Variants in PTPRB observed in about 807,000 individuals in gnomAD.
PTPRB encodes the protein receptor-type tyrosine-protein phosphatase beta.
In PTPRB, 97 loss-of-function variants were observed where a neutral mutation model predicts 238.1. The ratio of observed to expected loss-of-function variants is 0.41; its 90% CI spans 0.35 to 0.48. The LOEUF (loss-of-function observed/expected upper bound fraction) is 0.48, where lower values mean the gene tolerates loss of function less well. PTPRB is among the 20% of genes least tolerant of loss of function. PTPRB has a pLI of 0.30. For missense variants in PTPRB, 2,292 were observed against 2,681.9 expected, an observed-to-expected ratio of 0.85 and a Z score of 3.21; for synonymous variants, 970 against 995.4, an observed-to-expected ratio of 0.97 and a Z score of 0.48.
At position 70,552,803 on chromosome 12, in the gene PTPRB, T is replaced by C. The variant is rs1339536270; in HGVS notation, c.5361A>G (p.Gly1787=). ...CDPTQQKFCD[G]PLKPHTAYRI... ...TGTAGGCAGTGTGTGGCTTCAGTGG[T>C]CCATCACAGAATTTTTGCTGAGTGG... Residue 1787 remains glycine, a synonymous_variant, in exon 21 of 34, where the codon GGA becomes GGG. Coordinates refer to ENST00000334414, the MANE Select transcript of PTPRB (RefSeq NM_001109754.4). The C allele has an allele frequency of 6.2e-7, 1 of 1,614,010 alleles. No individual in the cohort carries two copies. The highest frequency in any genetic ancestry group is 1.3e-5 in the African/African-American group (1 of 75,060).
At chr12:70,524,947 A>G (rs139193023) in intron 32 of PTPRB, among the ~76,000 whole-genome samples, 1 of 147,184 alleles carries the variant, frequency 6.8e-6, no homozygotes, top group African/African-American at 2.6e-5. Context: ...ATGTATATAT[A>G]TGTGTATATA....
chr12:70,555,099 C>T, intron 20 of PTPRB, 61 bp downstream of exon 20: 17 of 1,546,346 alleles, frequency 1.1e-5, no homozygotes, highest in Non-Finnish European at 1.5e-5. Context: ...AAAGATCTCC[C>T]ACATGACCTC....
intron 4 of PTPRB, among the ~76,000 whole-genome samples, chr12:70,607,598 G>A (rs1040604408): frequency 6.8e-6 from 1 of 146,896 alleles, no homozygotes; most frequent in Non-Finnish European, 1.5e-5. Flanking sequence ...CCAGGCTGGA[G>A]TGCAGTGGCA....
rs184247279 is a variant in PTPRB at position 70,517,003 on chromosome 12, C to G, written c.*4486G>C. The G allele has an allele frequency of 6.6e-6, 1 of 152,166 alleles. No individual in the cohort carries two copies. The highest frequency in any genetic ancestry group is 1.5e-5 in the Non-Finnish European group (1 of 68,034). The allele number at this position is 152,166 out of a possible 1,614,324, so 9.4% of individuals were successfully genotyped here. A position where few individuals can be genotyped will look rare whatever the true frequency, so the allele number is the denominator to read the frequency against. ...AGTATTCTCTTAGCCAGAAATACTT[C>G]TATTGCTAGAAACATTTTTAGAACA... On this transcript the variant is annotated 3_prime_UTR_variant, in exon 34 of 34. Transcript: ENST00000334414.
chr12:70,564,836 AAATAATAAATAATAATAATAATAAT>A (rs1475996466), intron 15 of PTPRB, among the ~76,000 whole-genome samples: 578 of 32,776 alleles, frequency 0.018, 4 homozygotes, highest in African/African-American at 0.042. Context: ...CTGTCTCCAA[AAATAATAAATAATAATAATAATAAT>A]AATAATAATA....
intron 29 of PTPRB, 149 bp downstream of exon 29, chr12:70,535,876 G>T: frequency 1.1e-6 from 1 of 894,628 alleles, no homozygotes. Flanking sequence ...TTTACTATTA[G>T]AGTCTTTTGA....
intron 27 of PTPRB, 91 bp from the exon 28 acceptor site, chr12:70,538,322 C>G: frequency 9.5e-7 from 1 of 1,051,540 alleles, no homozygotes; most frequent in Non-Finnish European, 1.4e-6. Flanking sequence ...ATCCCCACAA[C>G]AGCCACAGAT....
At chr12:70,600,906 C>T (rs555958000) in intron 4 of PTPRB, among the ~76,000 whole-genome samples, 8 of 151,812 alleles carry the variant, frequency 5.3e-5, no homozygotes, top group Non-Finnish European at 8.8e-5. Context: ...CTAGCTCTGT[C>T]GCTGAGGCTG....
intron 14 of PTPRB, among the ~76,000 whole-genome samples, chr12:70,567,520 T>C (rs186223339): frequency 1.3e-5 from 2 of 152,318 alleles, no homozygotes; most frequent in Admixed American, 6.5e-5. Flanking sequence ...AAATACGAGT[T>C]TTATTTCTGT....
rs150314131 is a variant in PTPRB at position 70,538,230 on chromosome 12, A to G, written c.5871T>C (p.Tyr1957=). The change falls in exon 28 of 34, where the codon TAT becomes TAC. Residue 1957 remains tyrosine (Y), a splice_region_variant and synonymous_variant. Coordinates refer to ENST00000334414, the MANE Select transcript of PTPRB (RefSeq NM_001109754.4). Reference sequence around the variant, plus strand: ...TGGAGAGCTTCACTCGCGTGGCATCATCTGGAAGGAGAGATTTGCTGCTGA... The same window carrying G: ...TGGAGAGCTTCACTCGCGTGGCATCGTCTGGAAGGAGAGATTTGCTGCTGA... ...GKNRYNNILP[Y]DATRVKLSNV... is the part of the protein sequence containing the mutation. The G allele has an allele frequency of 8.1e-6, 13 of 1,612,914 alleles. No homozygotes were observed. In the African/African-American group the frequency reaches 1.5e-4, roughly 18 times the overall value.
chr12:70,524,171 C>T (rs1871999285), intron 33 of PTPRB, among the ~76,000 whole-genome samples: 2 of 151,942 alleles, frequency 1.3e-5, no homozygotes, highest in Admixed American at 6.6e-5. Context: ...TGCAGTGGTA[C>T]GATCTCAGCT....
intron 4 of PTPRB, among the ~76,000 whole-genome samples, chr12:70,607,548 CT>C (rs546758555): frequency 0.21 from 29,092 of 136,686 alleles, 2,603 homozygotes; most frequent in South Asian, 0.29. Flanking sequence ...TTTTCCTTTT[CT>C]TTTTTTTTTT....
intron 10 of PTPRB, among the ~76,000 whole-genome samples, chr12:70,577,927 T>G (rs1880967655): frequency 6.6e-6 from 1 of 152,186 alleles, no homozygotes; most frequent in Non-Finnish European, 1.5e-5. Flanking sequence ...CTTTCTTTCC[T>G]TCCTTTCTTC....
chr12:70,584,798 C>T (rs1359362377), intron 9 of PTPRB, among the ~76,000 whole-genome samples: 2 of 151,840 alleles, frequency 1.3e-5, no homozygotes, highest in South Asian at 2.1e-4. Flanking sequence ...CCAGATAAAA[C>T]ATCTCAGATG....
At chr12:70,531,594 A>G (rs1049969070) in intron 32 of PTPRB, among the ~76,000 whole-genome samples, 4 of 152,186 alleles carry the variant, frequency 2.6e-5, no homozygotes, top group Non-Finnish European at 5.9e-5. Context: ...GTAGAATATA[A>G]TATGTCTCGC....
intron 8 of PTPRB, among the ~76,000 whole-genome samples, chr12:70,589,261 C>T (rs1882243865): frequency 1.3e-5 from 2 of 152,158 alleles, no homozygotes; most frequent in Non-Finnish European, 2.9e-5. Context: ...CTAAGAAGAA[C>T]AGTGAATCCA....
chr12:70,538,295 G>T lies in PTPRB; in HGVS notation c.5870-64C>A, dbSNP rs368248179. The T allele has an allele frequency of 3.1e-5, 43 of 1,392,398 alleles. No individual in the cohort carries two copies. In the African/African-American group the frequency reaches 5.1e-4, roughly 17 times the overall value. The allele number at this position is 1,392,398 out of a possible 1,614,324, so 86.3% of individuals were successfully genotyped here. A position where few individuals can be genotyped will look rare whatever the true frequency, so the allele number is the denominator to read the frequency against. On this transcript the variant is annotated intron_variant, in intron 27 of 33. Coordinates refer to ENST00000334414, the MANE Select transcript of PTPRB (RefSeq NM_001109754.4). ...TTTCTACAGTTTATGTGATGTGTGT[G>T]ATGTGCCTTAGCTCTGATCCCCACA...
chr12:70,526,540 T>C (rs531920738), intron 32 of PTPRB, among the ~76,000 whole-genome samples: 1 of 152,224 alleles, frequency 6.6e-6, no homozygotes, highest in Non-Finnish European at 1.5e-5. Flanking sequence ...CAATAAGAAG[T>C]GAGGCCTGCA....
chr12:70,608,707 T>C, intron 4 of PTPRB: 1 of 212,138 alleles, frequency 4.7e-6, no homozygotes, highest in Non-Finnish European at 9.4e-6. Context: ...TTATTTATTC[T>C]AAAAACGTTT....
Sources: allele counts gnomAD v4.1 joint callset (sites outside exome capture counted in the v4.1 genomes callset), GRCh38; gene constraint gnomAD v4.1.1; transcripts MANE v1.5; gene names NCBI Gene and HGNC (gene_info 2026-07-23, HGNC 2026-07-21).